The following PDAP1 variants were observed in gnomAD, a reference collection of about 807,000 sequenced individuals.
PDAP1 encodes 28 kDa heat- and acid-stable phosphoprotein.
In PDAP1, 13 loss-of-function variants were observed where a neutral mutation model predicts 28.0. The observed-to-expected ratio is 0.46, with a 90% CI of 0.30 to 0.74. The LOEUF is 0.74. Ranked by LOEUF, PDAP1 falls within the 30% of genes least tolerant of loss-of-function variation. The pLI is 0.07. For synonymous variants in PDAP1, 77 were observed against 85.1 expected, an observed-to-expected ratio of 0.91 and a Z score of 0.52; for missense variants, 150 against 230.0, an observed-to-expected ratio of 0.65 and a Z score of 2.25.
At chr7:99,404,376 C>T (rs955973498) in intron 2 of PDAP1, among the ~76,000 whole-genome samples, 4 of 152,264 alleles carry the variant, frequency 2.6e-5, no homozygotes, top group South Asian at 2.1e-4. Context: ...ACTACTAAAT[C>T]AGCTCTGGCT....
chr7:99,401,172 T>C (rs1246725776), intron 3 of PDAP1, among the ~76,000 whole-genome samples: 4 of 152,176 alleles, frequency 2.6e-5, no homozygotes, highest in Non-Finnish European at 4.4e-5. Flanking sequence ...AAACTTAACA[T>C]GTCCAAGACA....
Position 99,396,407 on chromosome 7 carries a change from C to G in PDAP1, c.*275G>C, listed in dbSNP as rs954773899. On this transcript the variant is annotated 3_prime_UTR_variant, in exon 6 of 6. Coordinates refer to ENST00000350498, the MANE Select transcript of PDAP1 (RefSeq NM_014891.7). Reference sequence around the variant, plus strand: ...TCCCAGGCACCCCCCAGCAAGGGCTCTGAATTCTAAAAACAGCAAAAACAT... The same window carrying G: ...TCCCAGGCACCCCCCAGCAAGGGCTGTGAATTCTAAAAACAGCAAAAACAT... The G allele has an allele frequency of 1.7e-5, 9 of 517,284 alleles. No homozygotes were observed. In the South Asian group the frequency reaches 1.8e-4, roughly 11 times the overall value. 32.0% of individuals were successfully genotyped at this position (517,284 alleles called of 1,614,324 possible).
intron 2 of PDAP1, among the ~76,000 whole-genome samples, chr7:99,404,053 C>T (rs1415371120): frequency 1.3e-5 from 2 of 152,186 alleles, no homozygotes; most frequent in Non-Finnish European, 2.9e-5. Flanking sequence ...TGCCTTCCCA[C>T]CAAAAATGTC....
At chr7:99,402,630 C>T (rs1343658601) in intron 3 of PDAP1, among the ~76,000 whole-genome samples, 2 of 148,922 alleles carry the variant, frequency 1.3e-5, no homozygotes, top group Non-Finnish European at 3.0e-5. Flanking sequence ...CGCTTATAAT[C>T]CCAGTACTTT....
At chr7:99,402,678 G>A (rs1306302249) in intron 3 of PDAP1, among the ~76,000 whole-genome samples, 1 of 150,878 alleles carries the variant, frequency 6.6e-6, no homozygotes, top group African/African-American at 2.4e-5. Context: ...GTCAGGAGAT[G>A]GAGACCATTC....
chr7:99,405,335 G>T lies in PDAP1; in HGVS notation c.14-382C>A, dbSNP rs191876348. Reference sequence around the variant, plus strand: ...CCGTCACTATAAGGGCTTTTTACACGATGTTCTGTCACAGCCAGGGGCACT... The same window carrying T: ...CCGTCACTATAAGGGCTTTTTACACTATGTTCTGTCACAGCCAGGGGCACT... On this transcript the variant is annotated intron_variant, in intron 1 of 5. Coordinates refer to ENST00000350498, the MANE Select transcript of PDAP1 (RefSeq NM_014891.7). Among the ~76,000 whole-genome samples the T allele has an allele frequency of 2.8e-3, 425 of 151,010 alleles. 2 individuals carry two copies. The highest frequency in any genetic ancestry group is 5.9e-3 in the South Asian group (28 of 4,762).
Position 99,394,963 on chromosome 7 carries a change from C to A in PDAP1, c.*1719G>T. On this transcript the variant is annotated 3_prime_UTR_variant, in exon 6 of 6. Transcript: ENST00000350498. ...CAGGGAGAGATTGGTGTTTGCACGGCCATAGGTAGATAGCTTATTTTTACT... is the reference window on the plus strand; with the variant it reads ...CAGGGAGAGATTGGTGTTTGCACGGACATAGGTAGATAGCTTATTTTTACT... 2.2e-6 allele frequency: 1 copy of A among 455,418 alleles called. No homozygotes were observed. The highest frequency in any genetic ancestry group is 3.2e-6 in the Non-Finnish European group (1 of 311,098). 28.2% of individuals were successfully genotyped at this position (455,418 alleles called of 1,614,324 possible).
intron 1 of PDAP1, among the ~76,000 whole-genome samples, chr7:99,408,321 A>G (rs953273842): frequency 6.6e-6 from 1 of 151,548 alleles, no homozygotes; most frequent in South Asian, 2.1e-4. Flanking sequence ...AGCTTCCGAA[A>G]CTCCTCAGAC....
In PDAP1 at chr7:99,396,243, A is replaced by T. The variant is rs753235394; in HGVS notation, c.*439T>A. On this transcript the variant is annotated 3_prime_UTR_variant, in exon 6 of 6. Coordinates refer to ENST00000350498, the MANE Select transcript of PDAP1 (RefSeq NM_014891.7). ...CCAGGGGCACAGGCTCCCAGATGAT[A>T]GCCCCTCTCTGAATGAGCACCCAGG... 2.5e-5 allele frequency: 6 copies of T among 243,002 alleles called. No individual in the cohort carries two copies. Among genetic ancestry groups the T allele is most frequent in the Non-Finnish European group, 4.1e-5 (5 of 120,882 alleles). 15.1% of individuals were successfully genotyped at this position (243,002 alleles called of 1,614,324 possible).
rs775778971 is a variant in PDAP1 at position 99,404,895 on chromosome 7, G to A, written c.72C>T (p.Asp24=). 3.1e-5 allele frequency: 50 copies of A among 1,613,316 alleles called. No individual in the cohort carries two copies. In the Admixed American group the frequency reaches 4.7e-4, roughly 15 times the overall value. The change falls in exon 2 of 6, where the codon GAC becomes GAT. Residue 24 remains aspartate (D), a synonymous_variant. Coordinates refer to ENST00000350498, the MANE Select transcript of PDAP1 (RefSeq NM_014891.7). ...TCTGCTTCTCAGCCTGCAGCTGCGCGTCGATCTCCTCAGGGCTTGTATACT... is the reference window on the plus strand; with the variant it reads ...TCTGCTTCTCAGCCTGCAGCTGCGCATCGATCTCCTCAGGGCTTGTATACT... ...ARQYTSPEEI[D]AQLQAEKQKA...
At chr7:99,401,168 A>C (rs1463258624) in intron 3 of PDAP1, among the ~76,000 whole-genome samples, 1 of 152,152 alleles carries the variant, frequency 6.6e-6, no homozygotes, top group African/African-American at 2.4e-5. Flanking sequence ...CTGTAAACTT[A>C]ACATGTCCAA....
At chr7:99,401,394 T>TCTCGGCTCACCACAAC (rs1286958746) in intron 3 of PDAP1, among the ~76,000 whole-genome samples, 1 of 152,136 alleles carries the variant, frequency 6.6e-6, no homozygotes, top group Non-Finnish European at 1.5e-5. Flanking sequence ...AATGGCACAA[T>TCTCGGCTCACCACAAC]CTCGGCTCAC....
chr7:99,404,994 T>C (rs754582868), intron 1 of PDAP1, 41 bp from the exon 2 acceptor site: 1 of 1,457,560 alleles, frequency 6.9e-7, no homozygotes, highest in South Asian at 1.1e-5. Flanking sequence ...AGCAGCTGCC[T>C]TGACTGCTCT....
intron 3 of PDAP1, among the ~76,000 whole-genome samples, chr7:99,402,054 G>C (rs1342992825): frequency 2.0e-5 from 3 of 151,850 alleles, no homozygotes; most frequent in Admixed American, 2.0e-4. Flanking sequence ...CAGATCACGA[G>C]GTCAGGAGAT....
intron 1 of PDAP1, among the ~76,000 whole-genome samples, chr7:99,407,893 G>A (rs1178572481): frequency 1.3e-5 from 2 of 152,188 alleles, no homozygotes; most frequent in Non-Finnish European, 2.9e-5. Flanking sequence ...CTGCTTCACT[G>A]GGCACTTTTA....
At chr7:99,407,877 T>C (rs1287919202) in intron 1 of PDAP1, among the ~76,000 whole-genome samples, 5 of 152,188 alleles carry the variant, frequency 3.3e-5, no homozygotes, top group African/African-American at 7.2e-5. Context: ...AAAATAAGAA[T>C]AGTTACTGCT....
intron 3 of PDAP1, 102 bp downstream of exon 3, chr7:99,403,296 C>G: frequency 1.4e-6 from 1 of 722,844 alleles, no homozygotes; most frequent in Non-Finnish European, 2.5e-6. Context: ...AGAGCAAGGA[C>G]GTTGTCTGCA....
chr7:99,399,089 G>A (rs759512043), intron 4 of PDAP1, among the ~76,000 whole-genome samples: 12 of 152,116 alleles, frequency 7.9e-5, no homozygotes, highest in Non-Finnish European at 5.9e-5. Flanking sequence ...GGAGGGGAGG[G>A]CCCTGCCTGG....
At chr7:99,405,044 C>T (rs907887698) in intron 1 of PDAP1, 91 bp from the exon 2 acceptor site, 16 of 910,296 alleles carry the variant, frequency 1.8e-5, no homozygotes, top group African/African-American at 8.2e-5. Context: ...GTACTCTCAT[C>T]GGAGGCCTCA....
Sources: gnomAD v4.1 joint callset for allele counts (sites outside exome capture counted in the v4.1 genomes callset) on GRCh38, gnomAD v4.1.1 for gene constraint, MANE v1.5 for transcripts, NCBI Gene and HGNC (gene_info 2026-07-23, HGNC 2026-07-21) for gene names.